Variants in MAF observed in about 807,000 individuals in gnomAD.
The protein encoded by MAF is MAF bZIP transcription factor.
MAF carries 10 observed loss-of-function variants against 22.0 expected under a neutral mutation model. That is an observed-to-expected ratio of 0.45 (90% CI 0.28 to 0.77). The LOEUF is 0.77. Ranked by LOEUF, MAF falls within the 30% of genes least tolerant of loss-of-function variation. The probability of loss-of-function intolerance (pLI) is 0.12; values close to 1 mark genes in which losing one functional copy is unlikely to be tolerated. For synonymous variants in MAF, 337 were observed against 255.8 expected (o/e 1.32, Z -3.03); for missense variants, 544 against 548.4 (o/e 0.99, Z 0.08).
At chr16:79,475,241 C>T in the MAF span, among the ~76,000 whole-genome samples, 2 of 151,848 alleles carry the variant, frequency 1.3e-5, no homozygotes, top group African/African-American at 4.8e-5. Context: ...GTCCTAGGTA[C>T]TTCCTAGAAT....
At chr16:79,491,888 T>C in the MAF span, among the ~76,000 whole-genome samples, 4 of 152,180 alleles carry the variant, frequency 2.6e-5, no homozygotes, top group Non-Finnish European at 4.4e-5. Context: ...CTACTCCGGC[T>C]GTGAGTGCAG....
At chr16:79,598,102 T>C in intron 1 of MAF, 1 of 1,034,204 alleles carries the variant, frequency 9.7e-7, no homozygotes, top group Non-Finnish European at 1.2e-6. Flanking sequence ...ACATTTCACA[T>C]TTTTTTTTCC....
the MAF span, among the ~76,000 whole-genome samples, chr16:79,394,939 G>A: frequency 6.6e-6 from 1 of 152,194 alleles, no homozygotes; most frequent in African/African-American, 2.4e-5. Context: ...AAGAGCCTGG[G>A]CACTCCAGGC....
At chr16:79,393,183 C>G in the MAF span, among the ~76,000 whole-genome samples, 1 of 152,220 alleles carries the variant, frequency 6.6e-6, no homozygotes, top group Non-Finnish European at 1.5e-5. Context: ...TCATTATACT[C>G]CCAATATGTT....
At chr16:79,242,366 C>CA in the MAF span, among the ~76,000 whole-genome samples, 1,526 of 97,038 alleles carry the variant, frequency 0.016, 8 homozygotes, top group African/African-American at 0.029. Flanking sequence ...AAATGGGAAG[C>CA]AAAAAAAAAA....
At chr16:79,331,562 G>A in the MAF span, among the ~76,000 whole-genome samples, 1,743 of 152,108 alleles carry the variant, frequency 0.011, 24 homozygotes, top group African/African-American at 0.039. Context: ...CTTCTTACAC[G>A]AGCCACCCGC....
the MAF span, among the ~76,000 whole-genome samples, chr16:79,209,436 C>T: frequency 6.6e-6 from 1 of 152,168 alleles, no homozygotes; most frequent in Non-Finnish European, 1.5e-5. Flanking sequence ...TTGGTCTTTC[C>T]TCACGCTTGG....
the MAF span, among the ~76,000 whole-genome samples, chr16:79,399,589 T>C: frequency 3.3e-5 from 5 of 152,112 alleles, no homozygotes; most frequent in African/African-American, 2.4e-5. Context: ...AATCAGGGGC[T>C]TGTCACTGAT....
At chr16:79,346,213 G>A in the MAF span, among the ~76,000 whole-genome samples, 1 of 138,174 alleles carries the variant, frequency 7.2e-6, no homozygotes, top group African/African-American at 2.8e-5. Context: ...GGTGTGTGAT[G>A]TTCCCCACCC....
At chr16:79,583,146 T>C (rs189213164), downstream of MAF, among the ~76,000 whole-genome samples, 1 of 152,322 alleles carries the variant, frequency 6.6e-6, no homozygotes, top group African/African-American at 2.4e-5. Flanking sequence ...CACATTTGCA[T>C]TTTATTTCTG....
chr16:79,475,308 A>G, the MAF span, among the ~76,000 whole-genome samples: 1 of 151,178 alleles, frequency 6.6e-6, no homozygotes, highest in Non-Finnish European at 1.5e-5. Context: ...TCTCAGACCC[A>G]CATATATATG....
the MAF span, among the ~76,000 whole-genome samples, chr16:79,260,260 C>T: frequency 6.6e-6 from 1 of 152,196 alleles, no homozygotes; most frequent in Admixed American, 6.5e-5. Context: ...AAGTGATCCT[C>T]TTGCCTCAGC....
chr16:79,434,794 A>G, the MAF span, among the ~76,000 whole-genome samples: 2 of 152,156 alleles, frequency 1.3e-5, no homozygotes, highest in Non-Finnish European at 2.9e-5. Context: ...ATTATAAAGA[A>G]AAGAGTAGAA....
the MAF span, among the ~76,000 whole-genome samples, chr16:79,554,600 T>A: frequency 6.6e-6 from 1 of 152,050 alleles, no homozygotes; most frequent in Non-Finnish European, 1.5e-5. Flanking sequence ...GGCCCCTTTG[T>A]CTCTACTGAT....
chr16:79,273,692 TC>T, the MAF span, among the ~76,000 whole-genome samples: 104,673 of 152,048 alleles, frequency 0.69, 36,699 homozygotes, highest in Non-Finnish European at 0.74. Flanking sequence ...CTCTTCTGCC[TC>T]CCTCCCACTG....
downstream of MAF, among the ~76,000 whole-genome samples, chr16:79,592,494 T>A (rs1913245788): frequency 6.6e-6 from 1 of 152,238 alleles, no homozygotes; most frequent in South Asian, 2.1e-4. Context: ...CAAGTTGGGT[T>A]AAGACTCTTG....
At chr16:79,399,776 C>T in the MAF span, among the ~76,000 whole-genome samples, 18 of 152,118 alleles carry the variant, frequency 1.2e-4, no homozygotes, top group African/African-American at 3.4e-4. Flanking sequence ...AGGGGGTTAC[C>T]AAAGCAGGGT....
At chr16:79,379,802 T>C in the MAF span, among the ~76,000 whole-genome samples, 1 of 152,118 alleles carries the variant, frequency 6.6e-6, no homozygotes, top group Non-Finnish European at 1.5e-5. Context: ...GGCCAGCTGC[T>C]CCAAGCGGTA....
the MAF span, among the ~76,000 whole-genome samples, chr16:79,378,189 C>G: frequency 5.9e-5 from 9 of 152,080 alleles, no homozygotes. Context: ...AAGCCATGTA[C>G]AAGAACATTT....
Sources: gnomAD v4.1 joint callset for allele counts (sites outside exome capture counted in the v4.1 genomes callset) on GRCh38, gnomAD v4.1.1 for gene constraint, MANE v1.5 for transcripts, NCBI Gene and HGNC (gene_info 2026-07-23, HGNC 2026-07-21) for gene names.